Variants in GHR observed in about 807,000 individuals in gnomAD.
The protein encoded by GHR is growth hormone receptor.
Under a neutral mutation model 67.1 loss-of-function variants are expected in GHR, and 35 were observed. That is an observed-to-expected ratio of 0.52 (90% CI 0.40 to 0.69). The LOEUF (loss-of-function observed/expected upper bound fraction) is 0.69, where lower values mean the gene tolerates loss of function less well. GHR is among the 30% of genes least tolerant of loss of function. The pLI, the probability that GHR is intolerant of heterozygous loss-of-function variation, is 0.00. For missense variants in GHR, 792 were observed against 764.6 expected, an observed-to-expected ratio of 1.04 and a Z score of -0.42; for synonymous variants, 272 against 269.1, an observed-to-expected ratio of 1.01 and a Z score of -0.10.
intron 2 of GHR, among the ~76,000 whole-genome samples, chr5:42,605,283 T>C (rs750848114): frequency 5.3e-5 from 8 of 151,790 alleles, no homozygotes; most frequent in Non-Finnish European, 8.8e-5. Flanking sequence ...TTGTATTTTT[T>C]TTAGTAGAGA....
chr5:42,561,070 C>G (rs1469900894), intron 1 of GHR, among the ~76,000 whole-genome samples: 1 of 152,198 alleles, frequency 6.6e-6, no homozygotes, highest in Non-Finnish European at 1.5e-5. Context: ...CACCAGCTTC[C>G]TCAGAATATT....
rs1240902810 is a variant in GHR at position 42,530,496 on chromosome 5, C to A, written c.-11-35368C>A. Among the ~76,000 whole-genome samples the A allele has an allele frequency of 2.0e-5, 3 of 152,294 alleles. No homozygotes were observed. In the South Asian group the frequency reaches 6.2e-4, roughly 32 times the overall value. ...CCATGGTTGTAATTGAGAATGGCAA[C>A]TATGGTGTTCTTATCTAATCTGCTA... is the stretch of plus-strand genomic sequence containing the variant. On this transcript the variant is annotated intron_variant, in intron 1 of 9. Transcript: ENST00000230882.
Position 42,534,506 on chromosome 5 carries a change from A to G in GHR, c.-11-31358A>G, listed in dbSNP as rs542749037. On this transcript the variant is annotated intron_variant, in intron 1 of 9. Transcript: ENST00000230882. ...TGTATATATGTATGTATATATGTAC[A>G]TATGTATATGTGTATATATGTATGT... is the stretch of plus-strand genomic sequence containing the variant. Among the ~76,000 whole-genome samples the G allele has an allele frequency of 2.6e-3, 375 of 142,012 alleles. 3 individuals carry two copies. Among genetic ancestry groups the G allele is most frequent in the African/African-American group, 0.01 (354 of 34,400 alleles). The allele number at this position is 142,012 out of a possible 152,430, so 93.2% of individuals were successfully genotyped here. A position where few individuals can be genotyped will look rare whatever the true frequency, so the allele number is the denominator to read the frequency against.
chr5:42,611,721 A>G (rs934047861), intron 2 of GHR, among the ~76,000 whole-genome samples: 8 of 152,182 alleles, frequency 5.3e-5, no homozygotes, highest in Admixed American at 1.3e-4. Context: ...AGATAGAGCT[A>G]TCAGGAAAGA....
chr5:42,429,474 TTCTATA>T (rs1742994803), intron 1 of GHR, among the ~76,000 whole-genome samples: 1 of 152,246 alleles, frequency 6.6e-6, no homozygotes, highest in South Asian at 2.1e-4. Flanking sequence ...GTTCTGAACA[TTCTATA>T]TCTATTAAGA....
chr5:42,711,402 C>G, intron 7 of GHR, 30 bp downstream of exon 7: 2 of 1,524,704 alleles, frequency 1.3e-6, no homozygotes. Context: ...AAAATAGTAG[C>G]TAACCTGGCT....
intron 3 of GHR, among the ~76,000 whole-genome samples, chr5:42,661,389 G>A (rs1346403631): frequency 6.6e-6 from 1 of 152,228 alleles, no homozygotes; most frequent in Non-Finnish European, 1.5e-5. Context: ...AAGCCCATCA[G>A]TCTAACAGCT....
chr5:42,517,025 G>T (rs1284511649), intron 1 of GHR, among the ~76,000 whole-genome samples: 1 of 152,202 alleles, frequency 6.6e-6, no homozygotes, highest in Admixed American at 6.5e-5. Flanking sequence ...TTTTCAGTCT[G>T]CCTGCCCTGG....
intron 1 of GHR, among the ~76,000 whole-genome samples, chr5:42,476,071 A>AT: frequency 6.6e-6 from 1 of 151,152 alleles, no homozygotes; most frequent in Non-Finnish European, 1.5e-5. Flanking sequence ...TGCCCGGCTA[A>AT]TTTTTTGTAT....
At chr5:42,635,766 C>T (rs574140749) in intron 3 of GHR, among the ~76,000 whole-genome samples, 1 of 152,246 alleles carries the variant, frequency 6.6e-6, no homozygotes. Flanking sequence ...GACTTAGGCA[C>T]TATTAATGAA....
At chr5:42,478,919 A>G (rs1278612072) in intron 1 of GHR, among the ~76,000 whole-genome samples, 1 of 152,116 alleles carries the variant, frequency 6.6e-6, no homozygotes, top group Non-Finnish European at 1.5e-5. Context: ...TTCCAACACT[A>G]TGTTGAATAG....
intron 1 of GHR, among the ~76,000 whole-genome samples, chr5:42,488,891 T>C (rs888304863): frequency 1.3e-5 from 2 of 152,200 alleles, no homozygotes; most frequent in African/African-American, 4.8e-5. Context: ...GTAGACTATG[T>C]TGCCATCCCC....
intron 1 of GHR, among the ~76,000 whole-genome samples, chr5:42,463,525 A>ACGC (rs1744577423): frequency 6.6e-6 from 1 of 152,238 alleles, no homozygotes; most frequent in African/African-American, 2.4e-5. Context: ...GACAATGGGA[A>ACGC]AATCAAATGT....
intron 2 of GHR, among the ~76,000 whole-genome samples, chr5:42,594,708 C>CT (rs1021324109): frequency 2.0e-5 from 3 of 151,676 alleles, no homozygotes. Flanking sequence ...CAGACTTTTT[C>CT]TTTTTTTTGT....
intron 2 of GHR, among the ~76,000 whole-genome samples, chr5:42,583,227 C>T (rs1751285199): frequency 6.6e-6 from 1 of 152,170 alleles, no homozygotes; most frequent in South Asian, 2.1e-4. Flanking sequence ...GAAGATTAAC[C>T]AGTTTGGGAA....
At chr5:42,573,462 T>C (rs1750449386) in intron 2 of GHR, among the ~76,000 whole-genome samples, 1 of 152,088 alleles carries the variant, frequency 6.6e-6, no homozygotes, top group South Asian at 2.1e-4. Flanking sequence ...TCCAGGTGAC[T>C]GAACTCCGAA....
At chr5:42,588,736 T>A (rs959339766) in intron 2 of GHR, among the ~76,000 whole-genome samples, 2 of 152,156 alleles carry the variant, frequency 1.3e-5, no homozygotes, top group African/African-American at 4.8e-5. Flanking sequence ...ATGTGTTTGA[T>A]AAATCCATAT....
chr5:42,635,283 C>T (rs1277484554), intron 3 of GHR, among the ~76,000 whole-genome samples: 3 of 152,220 alleles, frequency 2.0e-5, no homozygotes, highest in Non-Finnish European at 2.9e-5. Flanking sequence ...ATTATTTATC[C>T]CCCTTCCTTG....
chr5:42,588,550 A>AAAAAAAAAAAAAAAC, intron 2 of GHR, among the ~76,000 whole-genome samples: 1 of 150,010 alleles, frequency 6.7e-6, no homozygotes. Context: ...AAAAAAAAAA[A>AAAAAAAAAAAAAAAC]AGTGACCTAT....
Sources: allele counts gnomAD v4.1 joint callset (sites outside exome capture counted in the v4.1 genomes callset), GRCh38; gene constraint gnomAD v4.1.1; transcripts MANE v1.5; gene names NCBI Gene and HGNC (gene_info 2026-07-23, HGNC 2026-07-21).